USP32: variants seen among roughly 807,000 people sequenced by gnomAD.
USP32 encodes ubiquitin carboxyl-terminal hydrolase 32.
USP32 carries 59 observed loss-of-function variants against 204.8 expected under a neutral mutation model. That is an observed-to-expected ratio of 0.29 (90% CI 0.23 to 0.36). USP32 has a LOEUF of 0.36. Ranked by LOEUF, USP32 falls within the 10% of genes least tolerant of loss-of-function variation. The pLI is 1.00. For synonymous variants in USP32, 517 were observed against 678.4 expected (o/e 0.76, Z 3.70); for missense variants, 1,160 against 1,946.4 (o/e 0.60, Z 7.60).
rs2084006114 is a variant in USP32, at chr17:60,177,908, A to C, written c.*1347T>G. 6.6e-6 allele frequency among the ~76,000 whole-genome samples: 1 copy of C among 152,190 alleles called. No homozygotes were observed. Among genetic ancestry groups the C allele is most frequent in the African/African-American group, 2.4e-5 (1 of 41,456 alleles). The stretch of plus-strand genomic sequence containing the variant: ...TCAACTTGCAGGGTCTAAATGAATA[A>C]ACAAAGACCAAAAATAAGGTGAAAC... On this transcript the variant is annotated 3_prime_UTR_variant, in exon 34 of 34. Coordinates refer to ENST00000300896, the MANE Select transcript of USP32 (RefSeq NM_032582.4).
At chr17:60,237,381 G>A (rs1366259996) in intron 11 of USP32, among the ~76,000 whole-genome samples, 1 of 149,178 alleles carries the variant, frequency 6.7e-6, no homozygotes, top group East Asian at 2.0e-4. Context: ...TCCCAAAAGT[G>A]TTGGGATTAC....
Position 60,236,220 on chromosome 17 carries a change from C to T in USP32, c.1157G>A (p.Ser386Asn). 6.2e-7 allele frequency: 1 copy of T among 1,613,888 alleles called. No individual in the cohort carries two copies. Among genetic ancestry groups the T allele is most frequent in the Non-Finnish European group, 8.5e-7 (1 of 1,179,834 alleles). Residue 386 changes from serine to asparagine, a missense_variant, in exon 12 of 34, where the codon AGC becomes AAC. Physicochemically the swap from Ser to Asn is conservative, Grantham distance 46 (BLOSUM62 1). This residue lies in a region of USP32 where 536 missense variants were observed against 680.9 expected (regional missense o/e 0.79). Transcript: ENST00000300896. Reference sequence around the variant, plus strand: ...GTGTCCTGCTTGCAGACCATACCTGCTCTCTCGTTCTAACCATCCTCTGTA... The same window carrying T: ...GTGTCCTGCTTGCAGACCATACCTGTTCTCTCGTTCTAACCATCCTCTGTA... Reference protein sequence around the residue: ...QIIRGWLERESRYGLQAGHNW... With the variant: ...QIIRGWLERENRYGLQAGHNW...
At chr17:60,306,666 T>TA (rs1298749681) in intron 2 of USP32, among the ~76,000 whole-genome samples, 3 of 151,920 alleles carry the variant, frequency 2.0e-5, no homozygotes, top group African/African-American at 4.8e-5. Flanking sequence ...CTTTAGCTAT[T>TA]AAAAAAGGAA....
chr17:60,377,237 A>G (rs2089563941), intron 1 of USP32, among the ~76,000 whole-genome samples: 1 of 152,204 alleles, frequency 6.6e-6, no homozygotes, highest in South Asian at 2.1e-4. Flanking sequence ...AGGCAGGAGG[A>G]TCTCTTGAGG....
chr17:60,418,679 C>T (rs1220226953), intron 1 of USP32, among the ~76,000 whole-genome samples: 2 of 151,944 alleles, frequency 1.3e-5, no homozygotes, highest in African/African-American at 4.8e-5. Flanking sequence ...TAAAAACAAA[C>T]AACCCCATTA....
At chr17:60,334,504 G>A (rs976417577) in intron 2 of USP32, among the ~76,000 whole-genome samples, 1 of 151,862 alleles carries the variant, frequency 6.6e-6, no homozygotes, top group African/African-American at 2.4e-5. Flanking sequence ...AAAAATCTGT[G>A]TATAAGTGAA....
intron 8 of USP32, among the ~76,000 whole-genome samples, chr17:60,265,734 T>C (rs2086574967): frequency 2.6e-5 from 4 of 152,202 alleles, no homozygotes; most frequent in Admixed American, 2.6e-4. Context: ...TAGATTCTCA[T>C]ATATGATTAA....
At chr17:60,280,397 A>T (rs936838283) in intron 5 of USP32, among the ~76,000 whole-genome samples, 2 of 152,196 alleles carry the variant, frequency 1.3e-5, no homozygotes, top group Admixed American at 1.3e-4. Context: ...GCACCTGGCC[A>T]AATCAAGTAA....
At chr17:60,216,553 T>C (rs1454402711) in intron 16 of USP32, among the ~76,000 whole-genome samples, 1 of 152,288 alleles carries the variant, frequency 6.6e-6, no homozygotes, top group East Asian at 1.9e-4. Context: ...CATCATCTAC[T>C]TTTTTAGAAC....
chr17:60,190,942 A>T (rs1020800377), intron 28 of USP32, among the ~76,000 whole-genome samples: 1 of 152,210 alleles, frequency 6.6e-6, no homozygotes, highest in African/African-American at 2.4e-5. Flanking sequence ...TCACAGGAAG[A>T]TGTGAACTTT....
At chr17:60,278,087 T>C (rs543617321) in intron 5 of USP32, among the ~76,000 whole-genome samples, 2 of 152,176 alleles carry the variant, frequency 1.3e-5, no homozygotes, top group South Asian at 4.1e-4. Context: ...TCAAATTTTT[T>C]GTAGAGACGG....
chr17:60,309,372 G>A (rs2087800929), intron 2 of USP32, among the ~76,000 whole-genome samples: 2 of 152,146 alleles, frequency 1.3e-5, no homozygotes, highest in Non-Finnish European at 2.9e-5. Flanking sequence ...GGCTGACACA[G>A]GCGGATAACT....
chr17:60,422,389 G>T, exon 1 of USP32: 1 of 1,341,098 alleles, frequency 7.5e-7, no homozygotes, highest in South Asian at 1.4e-5. Context: ...AGCTGGAGGG[G>T]CCAGCTGCAG....
intron 2 of USP32, among the ~76,000 whole-genome samples, chr17:60,317,567 T>A (rs2088013252): frequency 7.2e-6 from 1 of 139,264 alleles, no homozygotes; most frequent in Non-Finnish European, 1.6e-5. Flanking sequence ...TAAATCCCAA[T>A]ACTTTGGGAG....
At position 60,210,880 on chromosome 17, in the gene USP32, C is replaced by T. The variant is rs1267393750; in HGVS notation, c.2424+133G>A. On this transcript the variant is annotated intron_variant, in intron 21 of 33. Transcript: ENST00000300896. ...ATTTAAACAAGCAAAAGAATTTGAC[C>T]TTTTGTTTATACCAAGTGAAGGATC... is the stretch of plus-strand genomic sequence containing the variant. The T allele has an allele frequency of 3.5e-6, 5 of 1,409,140 alleles. No individual in the cohort carries two copies. The Admixed American group carries it at 1.2e-4, about 33-fold the overall frequency. The allele number at this position is 1,409,140 out of a possible 1,614,324, so 87.3% of individuals were successfully genotyped here. A position where few individuals can be genotyped will look rare whatever the true frequency, so the allele number is the denominator to read the frequency against.
At chr17:60,387,428 C>CT (rs1182040749) in intron 1 of USP32, among the ~76,000 whole-genome samples, 2 of 152,208 alleles carry the variant, frequency 1.3e-5, no homozygotes, top group Non-Finnish European at 2.9e-5. Context: ...GAGCACAGTG[C>CT]TAGCAGCACT....
At chr17:60,269,999 C>T (rs1271012534) in intron 6 of USP32, among the ~76,000 whole-genome samples, 1 of 151,940 alleles carries the variant, frequency 6.6e-6, no homozygotes, top group Non-Finnish European at 1.5e-5. Flanking sequence ...TAATAAGCTC[C>T]CATAAAGCTC....
intron 1 of USP32, among the ~76,000 whole-genome samples, chr17:60,365,244 G>T (rs1169796426): frequency 1.3e-5 from 2 of 152,038 alleles, no homozygotes; most frequent in African/African-American, 2.4e-5. Context: ...ACTTTGGGAG[G>T]CCGAGGCGGG....
At chr17:60,363,272 C>T (rs1034173263) in intron 1 of USP32, among the ~76,000 whole-genome samples, 39 of 151,616 alleles carry the variant, frequency 2.6e-4, no homozygotes, top group Non-Finnish European at 5.2e-4. Context: ...CTAGGCAACA[C>T]GATGAAACCC....
Sources: gnomAD v4.1 joint callset for allele counts (sites outside exome capture counted in the v4.1 genomes callset) on GRCh38, gnomAD v4.1.1 for gene constraint, gnomAD v4.1.1 regional missense constraint, MANE v1.5 for transcripts, NCBI Gene and HGNC (gene_info 2026-07-23, HGNC 2026-07-21) for gene names.